HLCS: variants seen among roughly 807,000 people sequenced by gnomAD.
The protein encoded by HLCS is holocarboxylase synthetase.
A neutral mutation model predicts 75.0 loss-of-function variants in HLCS; 53 were observed. The observed-to-expected ratio is 0.71, with a 90% CI of 0.57 to 0.89. The LOEUF (loss-of-function observed/expected upper bound fraction) is 0.89. Among genes scored for constraint, HLCS ranks in the 40% least tolerant of loss-of-function variants. The pLI, the probability that HLCS is intolerant of heterozygous loss-of-function variation, is 0.00. For synonymous variants in HLCS, 431 were observed against 428.6 expected, an observed-to-expected ratio of 1.01 and a Z score of -0.07; for missense variants, 966 against 1,074.0, an observed-to-expected ratio of 0.90 and a Z score of 1.41.
chr21:36,903,997 C>T (rs1402102769), intron 5 of HLCS, among the ~76,000 whole-genome samples: 4 of 152,074 alleles, frequency 2.6e-5, no homozygotes, highest in African/African-American at 9.7e-5. Flanking sequence ...GATTCCCTTC[C>T]CATGTTATAA....
At chr21:36,837,097 C>G (rs977189523) in intron 6 of HLCS, among the ~76,000 whole-genome samples, 1 of 152,130 alleles carries the variant, frequency 6.6e-6, no homozygotes, top group Non-Finnish European at 1.5e-5. Context: ...GCAGAAGAAT[C>G]GCTTGAACCT....
intron 6 of HLCS, among the ~76,000 whole-genome samples, chr21:36,846,987 TC>T (rs2146119916): frequency 6.6e-6 from 1 of 152,318 alleles, no homozygotes; most frequent in African/African-American, 2.4e-5. Context: ...TGTAGCCTTT[TC>T]AAAAACACAA....
chr21:36,810,304 C>T (rs1412149802), intron 6 of HLCS, among the ~76,000 whole-genome samples: 1 of 152,228 alleles, frequency 6.6e-6, no homozygotes, highest in Non-Finnish European at 1.5e-5. Context: ...GAACTGCAAA[C>T]TCTGACCCTT....
intron 6 of HLCS, among the ~76,000 whole-genome samples, chr21:36,828,316 A>AT (rs1433556603): frequency 6.6e-6 from 1 of 152,156 alleles, no homozygotes; most frequent in African/African-American, 2.4e-5. Context: ...ATTTAGTCTC[A>AT]TAACTCTAGA....
intron 6 of HLCS, among the ~76,000 whole-genome samples, chr21:36,869,274 G>A (rs553994208): frequency 3.9e-5 from 6 of 152,068 alleles, no homozygotes; most frequent in African/African-American, 1.2e-4. Flanking sequence ...ACAGGCGCCC[G>A]CCACCACGCC....
intron 2 of HLCS, among the ~76,000 whole-genome samples, chr21:36,940,573 T>C (rs1208810095): frequency 6.6e-6 from 1 of 152,178 alleles, no homozygotes. Context: ...GAATAAAGCA[T>C]TACCTTAAAA....
chr21:36,982,908 A>G (rs939183735), intron 1 of HLCS, among the ~76,000 whole-genome samples: 3 of 152,162 alleles, frequency 2.0e-5, no homozygotes, highest in African/African-American at 7.2e-5. Context: ...ACGCACCTGT[A>G]ATCCCAGCTA....
chr21:36,980,026 C>CAAAAAAA lies in HLCS; in HGVS notation c.-393+10125_-393+10131dup, dbSNP rs71198844. On this transcript the variant is annotated intron_variant, in intron 1 of 11. Coordinates refer to the HLCS transcript ENST00000336648. ...TGGGCGACAGAGCAAGTCCCCATCT[C>CAAAAAAA]AAAAAAAAAAAAAAAAAAAAAAAAA... Among the ~76,000 whole-genome samples, 68 of 55,122 alleles carry CAAAAAAA rather than the reference C, an allele frequency of 1.2e-3. 6 individuals carry two copies. The highest frequency in any genetic ancestry group is 5.4e-3 in the African/African-American group (66 of 12,228). 36.2% of individuals were successfully genotyped at this position (55,122 alleles called of 152,430 possible).
intron 6 of HLCS, among the ~76,000 whole-genome samples, chr21:36,860,257 G>C (rs1011521814): frequency 6.6e-6 from 1 of 152,048 alleles, no homozygotes; most frequent in African/African-American, 2.4e-5. Flanking sequence ...CCTCCCCCAA[G>C]GTCAGCCAGC....
chr21:36,819,193 G>T (rs1775458211), intron 6 of HLCS, among the ~76,000 whole-genome samples: 1 of 152,210 alleles, frequency 6.6e-6, no homozygotes, highest in Admixed American at 6.5e-5. Context: ...AGTAGACTCA[G>T]ATTGCCACCT....
chr21:36,897,208 CA>C lies in HLCS; in HGVS notation c.1621-78del, dbSNP rs1273534215. 3.4e-6 allele frequency: 5 copies of C among 1,478,158 alleles called. No individual in the cohort carries two copies. The Admixed American group carries it at 5.0e-5, about 15-fold the overall frequency. The allele number at this position is 1,478,158 out of a possible 1,614,324, so 91.6% of individuals were successfully genotyped here. A position where few individuals can be genotyped will look rare whatever the true frequency, so the allele number is the denominator to read the frequency against. On this transcript the variant is annotated intron_variant, in intron 5 of 10. Coordinates refer to ENST00000674895, the MANE Select transcript of HLCS (RefSeq NM_001352514.2). ...TCATGGTAGCTTTTCCTTATAATGC[CA>C]TTTTGGTAATATGAGTACTTCCTAA...
chr21:36,876,558 T>C (rs2063987961), intron 6 of HLCS, among the ~76,000 whole-genome samples: 1 of 152,218 alleles, frequency 6.6e-6, no homozygotes, highest in African/African-American at 2.4e-5. Context: ...TACTTGTGGG[T>C]TTCCTAGATC....
intron 2 of HLCS, among the ~76,000 whole-genome samples, chr21:36,951,266 C>T (rs4816551): frequency 0.56 from 85,445 of 152,028 alleles, 24,272 homozygotes; most frequent in East Asian, 0.64. Flanking sequence ...CCTGCTTTCC[C>T]CTCTGGCCTT....
intron 5 of HLCS, among the ~76,000 whole-genome samples, chr21:36,911,761 A>C (rs1334250526): frequency 3.3e-5 from 5 of 150,870 alleles, no homozygotes; most frequent in South Asian, 2.1e-4. Flanking sequence ...AAAAAAAAAA[A>C]AAAAAAAAAA....
At chr21:36,932,072 C>A (rs2409867) in intron 4 of HLCS, among the ~76,000 whole-genome samples, 57,836 of 152,140 alleles carry the variant, frequency 0.38, 12,382 homozygotes, top group Admixed American at 0.52. Context: ...CTGACTCCCC[C>A]ACCAGTAGTA....
At chr21:36,811,874 A>G (rs961570363) in intron 6 of HLCS, among the ~76,000 whole-genome samples, 8 of 152,262 alleles carry the variant, frequency 5.3e-5, no homozygotes, top group Non-Finnish European at 5.9e-5. Context: ...GGCTGCTGTG[A>G]CCAGCCACTC....
chr21:36,917,501 T>C (rs2065982140), intron 5 of HLCS, among the ~76,000 whole-genome samples: 1 of 152,176 alleles, frequency 6.6e-6, no homozygotes, highest in Admixed American at 6.5e-5. Context: ...AATCAGTGCA[T>C]TAATAACAGC....
intron 6 of HLCS, among the ~76,000 whole-genome samples, chr21:36,786,135 C>T (rs571929456): frequency 5.0e-4 from 76 of 152,330 alleles, no homozygotes; most frequent in Non-Finnish European, 7.4e-4. Flanking sequence ...CTTCTGGTCT[C>T]TTTGCCTTCA....
chr21:36,874,512 C>T (rs1417682231), intron 6 of HLCS, among the ~76,000 whole-genome samples: 1 of 152,116 alleles, frequency 6.6e-6, no homozygotes, highest in Non-Finnish European at 1.5e-5. Context: ...CTTGTTAATG[C>T]CAGTACCATA....
Sources: allele counts gnomAD v4.1 joint callset (sites outside exome capture counted in the v4.1 genomes callset), GRCh38; gene constraint gnomAD v4.1.1; transcripts MANE v1.5; gene names NCBI Gene and HGNC (gene_info 2026-07-23, HGNC 2026-07-21).